The following BICDL1 variants were observed in gnomAD, a reference collection of about 807,000 sequenced individuals.
The protein encoded by BICDL1 is BICD family-like cargo adapter 1.
A neutral mutation model predicts 76.8 loss-of-function variants in BICDL1; 20 were observed. That is an observed-to-expected ratio of 0.26 (90% CI 0.18 to 0.38). The LOEUF is 0.38. Among genes scored for constraint, BICDL1 ranks in the 10% least tolerant of loss-of-function variants. The pLI, the probability that BICDL1 is intolerant of heterozygous loss-of-function variation, is 1.00. For synonymous variants in BICDL1, 383 were observed against 337.1 expected (o/e 1.14, Z -1.49); for missense variants, 700 against 798.6 (o/e 0.88, Z 1.49).
At chr12:120,090,271 A>G in intron 9 of BICDL1, 200 bp downstream of exon 9, 1 of 608,718 alleles carries the variant, frequency 1.6e-6, no homozygotes, top group Non-Finnish European at 2.7e-6. Flanking sequence ...TTTGAGCGAC[A>G]GTGCCCAGGC....
At chr12:120,004,320 C>A (rs1186301738) in intron 2 of BICDL1, among the ~76,000 whole-genome samples, 4 of 152,130 alleles carry the variant, frequency 2.6e-5, no homozygotes, top group African/African-American at 9.7e-5. Context: ...GGGTCATGTG[C>A]CTTGTCACTA....
At chr12:120,042,891 C>G (rs1952672310) in intron 2 of BICDL1, among the ~76,000 whole-genome samples, 1 of 151,812 alleles carries the variant, frequency 6.6e-6, no homozygotes, top group East Asian at 1.9e-4. Context: ...GATATCAAAG[C>G]ATTCAGGAAG....
Position 120,061,730 on chromosome 12 carries a change from A to T in BICDL1, c.666A>T (p.Gln222His), listed in dbSNP as rs1488227178. The change falls in exon 3 of 10, where the codon CAA (glutamine) becomes CAT (histidine). Residue 222 changes from glutamine (Q) to histidine (H), a missense_variant. Physicochemically the swap from Gln to His is conservative, Grantham distance 24. This residue lies in a region of BICDL1 where 455 missense variants were observed against 548.7 expected (regional missense o/e 0.83). Coordinates refer to ENST00000548673, the MANE Select transcript of BICDL1 (RefSeq NM_001367886.1). ...TTCAGGCATCAGAAGTTGAGAGACAACTCTCCATGCAGGTCCACGCCCTCA... is the reference window on the plus strand; with the variant it reads ...TTCAGGCATCAGAAGTTGAGAGACATCTCTCCATGCAGGTCCACGCCCTCA... ...QLSRASEVER[Q>H]LSMQVHALRE... The T allele has an allele frequency of 6.2e-7, 1 of 1,613,864 alleles. No individual in the cohort carries two copies. The highest frequency in any genetic ancestry group is 8.5e-7 in the Non-Finnish European group (1 of 1,179,880).
intron 2 of BICDL1, among the ~76,000 whole-genome samples, chr12:120,035,309 C>T (rs1668071604): frequency 6.6e-6 from 1 of 152,120 alleles, no homozygotes; most frequent in South Asian, 2.1e-4. Flanking sequence ...ACATTCCAGC[C>T]TAGGTAACAG....
chr12:120,091,978 T>C (rs996971433), intron 9 of BICDL1: 14 of 985,290 alleles, frequency 1.4e-5, no homozygotes, highest in Non-Finnish European at 1.2e-6. Flanking sequence ...CTCAGGGGTT[T>C]AGCCAGAAAA....
chr12:120,058,062 T>C (rs1953018980), intron 2 of BICDL1, among the ~76,000 whole-genome samples: 1 of 151,990 alleles, frequency 6.6e-6, no homozygotes, highest in East Asian at 1.9e-4. Context: ...CTCGATCTCC[T>C]GACCTCGCGA....
chr12:120,084,859 C>T (rs945772153), intron 8 of BICDL1, among the ~76,000 whole-genome samples: 1 of 150,968 alleles, frequency 6.6e-6, no homozygotes, highest in Non-Finnish European at 1.5e-5. Context: ...CATTGCACTC[C>T]AGCCTGGGCA....
intron 2 of BICDL1, among the ~76,000 whole-genome samples, chr12:120,037,471 T>C (rs1419024526): frequency 6.6e-6 from 1 of 151,974 alleles, no homozygotes; most frequent in Non-Finnish European, 1.5e-5. Context: ...GTGCAGTTCA[T>C]TAATATTCTC....
intron 2 of BICDL1, among the ~76,000 whole-genome samples, chr12:120,039,125 C>T (rs773896267): frequency 6.6e-6 from 1 of 151,678 alleles, no homozygotes; most frequent in Non-Finnish European, 1.5e-5. Context: ...GGTGAAACCC[C>T]ATCTCTACTA....
At chr12:120,084,185 G>GT (rs1164335834) in intron 8 of BICDL1, among the ~76,000 whole-genome samples, 1 of 151,936 alleles carries the variant, frequency 6.6e-6, no homozygotes, top group East Asian at 1.9e-4. Context: ...TGTATTTTTA[G>GT]TAGAGACAGG....
chr12:120,075,056 T>G (rs1183968301), intron 7 of BICDL1, among the ~76,000 whole-genome samples: 1 of 152,242 alleles, frequency 6.6e-6, no homozygotes, highest in Non-Finnish European at 1.5e-5. Context: ...TCTCATTTGA[T>G]CACGATTTCA....
At chr12:120,017,314 A>T (rs920779424) in intron 2 of BICDL1, among the ~76,000 whole-genome samples, 1 of 152,252 alleles carries the variant, frequency 6.6e-6, no homozygotes, top group African/African-American at 2.4e-5. Context: ...TTCAGTATAG[A>T]GGCAGTGCTC....
rs74836517 is a variant in BICDL1 at position 120,071,919 on chromosome 12, C to A, written c.1089+118C>A. 17 of 1,406,356 alleles carry A rather than the reference C, an allele frequency of 1.2e-5. No individual in the cohort carries two copies. The African/African-American group carries it at 1.8e-4, about 15-fold the overall frequency. The allele number at this position is 1,406,356 out of a possible 1,614,324, so 87.1% of individuals were successfully genotyped here. Reference sequence around the variant, plus strand: ...GCTGTGCCCCTGTGCCTGTGTCAGCCCCTTGGCCTGCTGGCTAGAGTGTCA... The same window carrying A: ...GCTGTGCCCCTGTGCCTGTGTCAGCACCTTGGCCTGCTGGCTAGAGTGTCA... On this transcript the variant is annotated intron_variant, in intron 5 of 9. Coordinates refer to ENST00000548673, the MANE Select transcript of BICDL1 (RefSeq NM_001367886.1). This position sits in a 1 kb window ranked among gnomAD's most constrained non-coding sequence, Gnocchi z 4.8.
intron 2 of BICDL1, among the ~76,000 whole-genome samples, chr12:120,038,412 A>C (rs1240319392): frequency 6.6e-6 from 1 of 152,172 alleles, no homozygotes; most frequent in South Asian, 2.1e-4. Flanking sequence ...ACCAAACATC[A>C]ATGTGTTCAT....
chr12:120,033,367 C>CCTTTTTTTTTTT (rs1952463021), intron 2 of BICDL1, among the ~76,000 whole-genome samples: 1 of 77,624 alleles, frequency 1.3e-5, no homozygotes, highest in African/African-American at 7.9e-5. Flanking sequence ...GAGTTCTTGC[C>CCTTTTTTTTTTT]TTTTTTTTTT....
At chr12:120,036,733 G>A (rs905901307) in intron 2 of BICDL1, among the ~76,000 whole-genome samples, 33 of 152,200 alleles carry the variant, frequency 2.2e-4, no homozygotes, top group African/African-American at 7.2e-4. Context: ...AAAATTAGCC[G>A]GGCGTGGTGG....
At chr12:120,043,419 AGACTT>A (rs1228861123) in intron 2 of BICDL1, among the ~76,000 whole-genome samples, 1 of 152,246 alleles carries the variant, frequency 6.6e-6, no homozygotes, top group Non-Finnish European at 1.5e-5. Context: ...ATAAAAGAAA[AGACTT>A]GAGTGAGGTT....
intron 4 of BICDL1, among the ~76,000 whole-genome samples, chr12:120,070,375 C>T (rs1157276158): frequency 6.6e-6 from 1 of 152,170 alleles, no homozygotes; most frequent in Non-Finnish European, 1.5e-5. Flanking sequence ...TTCAAACATT[C>T]CACAGTGGCA....
At position 120,090,085 on chromosome 12, in the gene BICDL1, T is replaced by C. The variant is rs2139025785; in HGVS notation, c.1704+14T>C. 1.2e-6 allele frequency: 2 copies of C among 1,612,972 alleles called. No individual in the cohort carries two copies. The highest frequency in any genetic ancestry group is 2.2e-5 in the East Asian group (1 of 44,864). ...GAAGCTTGGCAGGTAAACTGGAGCC[T>C]GAGATCCAGGGCGAGAGGAGACTCC... On this transcript the variant is annotated intron_variant, in intron 9 of 9. Transcript: ENST00000548673.
Sources: gnomAD v4.1 joint callset for allele counts (sites outside exome capture counted in the v4.1 genomes callset) on GRCh38, gnomAD v4.1.1 for gene constraint, gnomAD v4.1.1 regional missense constraint, Gnocchi (gnomAD v3.1) non-coding constraint, MANE v1.5 for transcripts, NCBI Gene and HGNC (gene_info 2026-07-23, HGNC 2026-07-21) for gene names.